The following CEMIP variants were observed in gnomAD, a reference collection of about 807,000 sequenced individuals.
The protein encoded by CEMIP is cell migration-inducing and hyaluronan-binding protein.
A neutral mutation model predicts 156.9 loss-of-function variants in CEMIP; 105 were observed. That is an observed-to-expected ratio of 0.67 (90% CI 0.57 to 0.79). The LOEUF (loss-of-function observed/expected upper bound fraction) is 0.79. Among genes scored for constraint, CEMIP ranks in the 30% least tolerant of loss-of-function variants. CEMIP has a pLI of 0.00. For missense variants in CEMIP, 1,457 were observed against 1,769.4 expected (o/e 0.82, Z 3.17); for synonymous variants, 676 against 668.4 (o/e 1.01, Z -0.17).
chr15:80,837,911 G>C (rs1336150924), intron 1 of CEMIP, among the ~76,000 whole-genome samples: 9 of 152,154 alleles, frequency 5.9e-5, no homozygotes, highest in Admixed American at 5.2e-4. Flanking sequence ...GCTTTCCTCT[G>C]TGCCCTCCAC....
intron 12 of CEMIP, chr15:80,897,368 G>C: frequency 2.2e-6 from 1 of 456,022 alleles, no homozygotes; most frequent in South Asian, 1.5e-5. Context: ...AAAAATCTGA[G>C]AACACTGATG....
At chr15:80,840,675 G>A (rs1304002082) in intron 1 of CEMIP, among the ~76,000 whole-genome samples, 1 of 152,192 alleles carries the variant, frequency 6.6e-6, no homozygotes, top group Non-Finnish European at 1.5e-5. Flanking sequence ...GGCGTGGGAG[G>A]CCGGCCCTGG....
intron 18 of CEMIP, among the ~76,000 whole-genome samples, 183 bp from the exon 19 acceptor site, chr15:80,925,441 T>A (rs996477688): frequency 6.6e-6 from 1 of 152,210 alleles, no homozygotes; most frequent in Non-Finnish European, 1.5e-5. Context: ...AGGAGTGACT[T>A]CTTGCTTCTG....
rs550938365 is a variant in CEMIP, at chr15:80,848,898, G to A, written c.-175-24640G>A. Among the ~76,000 whole-genome samples, 65 of 11,684 alleles carry A rather than the reference G, an allele frequency of 5.6e-3. No individual in the cohort carries two copies. In the South Asian group the frequency reaches 0.22, roughly 39 times the overall value. The allele number at this position is 11,684 out of a possible 152,430, so 7.7% of individuals were successfully genotyped here. On this transcript the variant is annotated intron_variant, in intron 1 of 29. Transcript: ENST00000394685. ...TGTGTTCTCTGATGAGCGTGTGCGC[G>A]TGCACACACACACACACACACACAC...
chr15:80,805,479 G>A (rs1896492332), intron 1 of CEMIP, among the ~76,000 whole-genome samples: 1 of 152,212 alleles, frequency 6.6e-6, no homozygotes, highest in Non-Finnish European at 1.5e-5. Flanking sequence ...CCAGCCAGCT[G>A]CCTGCCTTCC....
chr15:80,924,814 C>A, intron 18 of CEMIP, 108 bp downstream of exon 18: 1 of 1,011,528 alleles, frequency 9.9e-7, no homozygotes, highest in Non-Finnish European at 1.5e-6. Flanking sequence ...TGAGCCCTTG[C>A]TTTGTGCTGG....
intron 21 of CEMIP, 82 bp from the exon 22 acceptor site, chr15:80,931,777 C>T (rs1900920573): frequency 1.0e-5 from 14 of 1,390,448 alleles, no homozygotes; most frequent in South Asian, 2.3e-5. Flanking sequence ...GCAAACATGG[C>T]GTTTAGACTG....
intron 1 of CEMIP, among the ~76,000 whole-genome samples, chr15:80,836,682 G>T (rs998910677): frequency 5.2e-5 from 6 of 115,926 alleles, no homozygotes; most frequent in East Asian, 2.6e-4. Flanking sequence ...TTTTCTGCCA[G>T]CCTTACCCTC....
intron 12 of CEMIP, among the ~76,000 whole-genome samples, chr15:80,897,795 G>C (rs1899295772): frequency 6.6e-6 from 1 of 152,182 alleles, no homozygotes; most frequent in Non-Finnish European, 1.5e-5. Flanking sequence ...GAGATTAGCA[G>C]AAGAGCAGAA....
chr15:80,781,669 A>T (rs79311237), intron 1 of CEMIP, among the ~76,000 whole-genome samples: 2 of 148,014 alleles, frequency 1.4e-5, no homozygotes, highest in Admixed American at 6.7e-5. Flanking sequence ...ATAAAAAAAA[A>T]TTTTGAGACA....
intron 1 of CEMIP, among the ~76,000 whole-genome samples, chr15:80,798,299 A>G (rs904928564): frequency 6.6e-6 from 1 of 152,210 alleles, no homozygotes; most frequent in African/African-American, 2.4e-5. Flanking sequence ...ATTCATAAGC[A>G]TTTTCAGTTT....
chr15:80,947,287 A>G, intron 29 of CEMIP: 1 of 521,594 alleles, frequency 1.9e-6, no homozygotes, highest in South Asian at 2.5e-5. Context: ...ATAACTTGCC[A>G]CCAGCCACTG....
At chr15:80,917,904 G>C (rs571098796) in intron 14 of CEMIP, among the ~76,000 whole-genome samples, 28 of 152,352 alleles carry the variant, frequency 1.8e-4, no homozygotes, top group African/African-American at 6.7e-4. Context: ...CCAGTCCACT[G>C]CTGGGATATG....
At chr15:80,827,988 A>G (rs1897076493) in intron 1 of CEMIP, among the ~76,000 whole-genome samples, 1 of 152,226 alleles carries the variant, frequency 6.6e-6, no homozygotes, top group South Asian at 2.1e-4. Context: ...TCCAGTTGAA[A>G]TATTTGAATG....
At chr15:80,887,819 G>A (rs1350205016) in intron 8 of CEMIP, 55 bp downstream of exon 8, 15 of 1,395,018 alleles carry the variant, frequency 1.1e-5, no homozygotes, top group Non-Finnish European at 1.4e-5. Context: ...CTGATCAAGA[G>A]GTGCAGGGCT....
intron 1 of CEMIP, among the ~76,000 whole-genome samples, chr15:80,868,833 AG>A (rs1029043356): frequency 2.6e-5 from 4 of 152,360 alleles, no homozygotes; most frequent in South Asian, 2.1e-4. Context: ...CGCACCTAAC[AG>A]GACCCTGGTA....
chr15:80,883,176 C>T (rs1305791380), intron 6 of CEMIP, among the ~76,000 whole-genome samples: 1 of 152,192 alleles, frequency 6.6e-6, no homozygotes, highest in Admixed American at 6.5e-5. Context: ...CCAAGACATA[C>T]TCTTTAGGAA....
intron 3 of CEMIP, among the ~76,000 whole-genome samples, chr15:80,874,475 A>AC (rs924555328): frequency 7.2e-5 from 11 of 152,182 alleles, no homozygotes; most frequent in East Asian, 3.9e-4. Context: ...CTGTTAAAAA[A>AC]AAAAACAAAA....
intron 17 of CEMIP, 79 bp from the exon 18 acceptor site, chr15:80,924,542 T>G: frequency 1.6e-6 from 2 of 1,221,088 alleles, no homozygotes; most frequent in Non-Finnish European, 2.4e-6. Flanking sequence ...TTCAGAAGTA[T>G]GCAGTGAGGC....
Sources: allele counts gnomAD v4.1 joint callset (sites outside exome capture counted in the v4.1 genomes callset), GRCh38; gene constraint gnomAD v4.1.1; transcripts MANE v1.5; gene names NCBI Gene and HGNC (gene_info 2026-07-23, HGNC 2026-07-21).